Variants in VWA3B observed in about 807,000 individuals in gnomAD.
VWA3B encodes von Willebrand factor A domain containing 3B, also known as von Willebrand factor A domain-containing protein 3B.
In VWA3B, 138 loss-of-function variants were observed where a neutral mutation model predicts 158.3. That is an observed-to-expected ratio of 0.87 (90% CI 0.76 to 1.00). VWA3B has a LOEUF of 1.00. Ranked by LOEUF, VWA3B falls within the 50% of genes least tolerant of loss-of-function variation. The pLI is 0.00. For synonymous variants in VWA3B, 596 were observed against 587.3 expected (o/e 1.01, Z -0.21); for missense variants, 1,555 against 1,565.1 (o/e 0.99, Z 0.11).
chr2:98,094,126 T>A (rs1682550224), intron 2 of VWA3B, among the ~76,000 whole-genome samples: 2 of 152,212 alleles, frequency 1.3e-5, no homozygotes, highest in Admixed American at 1.3e-4. Flanking sequence ...CTCTTTCACT[T>A]ACTGATTTTA....
intron 7 of VWA3B, among the ~76,000 whole-genome samples, chr2:98,145,111 T>A (rs1037157375): frequency 1.3e-5 from 2 of 152,232 alleles, no homozygotes; most frequent in Non-Finnish European, 2.9e-5. Context: ...CCATTAAGTG[T>A]TAGGATTTGT....
rs1352682176 is a variant in VWA3B, at chr2:98,270,799, C to T, written c.2961C>T (p.Ile987=). ...LKELSMLESE[I]LAGKMYIQQA... ...AGCTGTCGATGCTGGAAAGTGAAAT[C>T]CTAGCTGGGAAAATGTACATCCAGC... is the stretch of plus-strand genomic sequence containing the variant. The change falls in exon 22 of 28, where the codon ATC becomes ATT. Residue 987 remains isoleucine (I), a synonymous_variant. Coordinates refer to ENST00000477737, the MANE Select transcript of VWA3B (RefSeq NM_144992.5). The T allele has an allele frequency of 2.5e-6, 4 of 1,614,076 alleles. No homozygotes were observed. The East Asian group carries it at 8.9e-5, about 36-fold the overall frequency.
chr2:98,216,714 A>G, intron 13 of VWA3B: 1 of 472,742 alleles, frequency 2.1e-6, no homozygotes. Flanking sequence ...GCTCCTGGCA[A>G]ATAAAATGTA....
chr2:98,161,381 G>GT (rs1053337517), intron 7 of VWA3B, among the ~76,000 whole-genome samples: 42 of 152,344 alleles, frequency 2.8e-4, no homozygotes, highest in African/African-American at 9.9e-4. Flanking sequence ...AAGCTGTGGG[G>GT]TGGGCCTTCT....
intron 19 of VWA3B, among the ~76,000 whole-genome samples, chr2:98,240,352 A>G (rs1685996644): frequency 6.6e-6 from 1 of 152,168 alleles, no homozygotes; most frequent in South Asian, 2.1e-4. Context: ...CCCATTATTA[A>G]TGGATATTTA....
At chr2:98,174,418 C>G (rs1338138480) in intron 8 of VWA3B, among the ~76,000 whole-genome samples, 1 of 152,234 alleles carries the variant, frequency 6.6e-6, no homozygotes, top group Non-Finnish European at 1.5e-5. Flanking sequence ...GACCTGTTCA[C>G]TGGCTCTCTG....
intron 17 of VWA3B, among the ~76,000 whole-genome samples, chr2:98,236,086 C>G (rs1685658225): frequency 6.6e-6 from 1 of 152,100 alleles, no homozygotes; most frequent in Non-Finnish European, 1.5e-5. Context: ...ATTGAACAAT[C>G]ATTGGTTAAT....
chr2:98,126,764 TGAGA>T (rs1326868048), intron 5 of VWA3B, among the ~76,000 whole-genome samples: 20 of 152,340 alleles, frequency 1.3e-4, no homozygotes, highest in African/African-American at 4.1e-4. Context: ...TTGAAAGGCC[TGAGA>T]GAAAGAGGCC....
At position 98,180,932 on chromosome 2, in the gene VWA3B, G is replaced by T. The variant is rs547683082; in HGVS notation, c.1115-84G>T. 3.7e-6 allele frequency: 5 copies of T among 1,343,114 alleles called. No homozygotes were observed. In the African/African-American group the frequency reaches 7.3e-5, roughly 20 times the overall value. 83.2% of individuals were successfully genotyped at this position (1,343,114 alleles called of 1,614,324 possible). ...GGGCTTTGTGTCTAATAAAGAACACGTTCCAAGTTGGTCAATATTAAGTTG... is the reference window on the plus strand; with the variant it reads ...GGGCTTTGTGTCTAATAAAGAACACTTTCCAAGTTGGTCAATATTAAGTTG... On this transcript the variant is annotated intron_variant, in intron 8 of 27. Transcript: ENST00000477737.
chr2:98,092,925 T>C, intron 1 of VWA3B, 136 bp from the exon 2 acceptor site: 1 of 522,234 alleles, frequency 1.9e-6, no homozygotes, highest in Non-Finnish European at 3.2e-6. Context: ...TTCCACCAAA[T>C]ATACATGTAT....
At chr2:98,130,748 C>T (rs375040505) in intron 6 of VWA3B, among the ~76,000 whole-genome samples, 2 of 152,198 alleles carry the variant, frequency 1.3e-5, no homozygotes, top group African/African-American at 4.8e-5. Context: ...AAGAATTTTT[C>T]TTAGTACAGA....
At chr2:98,234,867 TA>T in intron 17 of VWA3B, 100 bp downstream of exon 17, 5 of 1,508,986 alleles carry the variant, frequency 3.3e-6, no homozygotes, top group Non-Finnish European at 4.5e-6. Context: ...AATCATATTT[TA>T]AATGGGCCCA....
chr2:98,250,166 T>C (rs1346666923), intron 19 of VWA3B, 152 bp from the exon 20 acceptor site: 2 of 564,580 alleles, frequency 3.5e-6, no homozygotes, highest in African/African-American at 3.9e-5. Flanking sequence ...CTTTTTTCTC[T>C]GTGATTTACT....
rs142290519 is a variant in VWA3B, at chr2:98,148,947, G to A, written c.989-13904G>A. ...CGTTATCCAAATAAACGTTCATCTT[G>A]AATGTTGCTTGCTGGACTGACTCTT... On this transcript the variant is annotated intron_variant, in intron 7 of 27. Transcript: ENST00000477737. Among the ~76,000 whole-genome samples, 473 of 152,298 alleles carry A rather than the reference G, an allele frequency of 3.1e-3. 3 individuals are homozygous for A. Among genetic ancestry groups the A allele is most frequent in the African/African-American group, 0.011 (440 of 41,572 alleles).
chr2:98,096,921 T>TATTATTTTCTTCCTTCTACTTGTTA, intron 2 of VWA3B, among the ~76,000 whole-genome samples: 1 of 152,254 alleles, frequency 6.6e-6, no homozygotes, highest in African/African-American at 2.4e-5. Flanking sequence ...CTCTGATCGC[T>TATTATTTTCTTCCTTCTACTTGTTA]AAGGTAAGGT....
chr2:98,236,622 C>G lies in VWA3B; in HGVS notation c.2565C>G (p.Val855=), dbSNP rs770464316. Residue 855 remains valine, a synonymous_variant, in exon 19 of 28, where the codon GTC becomes GTG. Coordinates refer to ENST00000477737, the MANE Select transcript of VWA3B (RefSeq NM_144992.5). ...ACTGGCTGAAGACCTATGGCTTGGT[C>G]GCCAAGAAACTCACCCTCATGGATG... ...SENWLKTYGL[V]AKKLTLMDAL... 1 of 1,614,170 alleles carries G rather than the reference C, an allele frequency of 6.2e-7. No individual in the cohort carries two copies.
At chr2:98,090,409 C>G (rs1020776049) in intron 1 of VWA3B, among the ~76,000 whole-genome samples, 2 of 152,198 alleles carry the variant, frequency 1.3e-5, no homozygotes, top group Non-Finnish European at 2.9e-5. Context: ...TTGCACATAG[C>G]TGTTTCCAAC....
chr2:98,251,968 G>A (rs1417144900), intron 20 of VWA3B, among the ~76,000 whole-genome samples: 1 of 152,156 alleles, frequency 6.6e-6, no homozygotes, highest in Non-Finnish European at 1.5e-5. Flanking sequence ...AGCAGGATGA[G>A]CTATTCAAGG....
intron 2 of VWA3B, among the ~76,000 whole-genome samples, chr2:98,110,327 C>A (rs1265656698): frequency 6.6e-6 from 1 of 151,796 alleles, no homozygotes; most frequent in Admixed American, 6.6e-5. Context: ...TTTGATTATT[C>A]TATTTTTTGC....
Sources: allele counts gnomAD v4.1 joint callset (sites outside exome capture counted in the v4.1 genomes callset), GRCh38; gene constraint gnomAD v4.1.1; transcripts MANE v1.5; gene names NCBI Gene and HGNC (gene_info 2026-07-23, HGNC 2026-07-21).